WDR20: variants seen among roughly 807,000 people sequenced by gnomAD.
WDR20 encodes the protein WD repeat-containing protein 20.
In WDR20, 3 loss-of-function variants were observed where a neutral mutation model predicts 38.7. The observed-to-expected ratio is 0.08, with a 90% CI of 0.04 to 0.20. The LOEUF is 0.20. Ranked by LOEUF, WDR20 falls within the 10% of genes least tolerant of loss-of-function variation. The pLI, the probability that WDR20 is intolerant of heterozygous loss-of-function variation, is 1.00. For missense variants in WDR20, 559 were observed against 727.7 expected (o/e 0.77, Z 2.67); for synonymous variants, 298 against 285.6 (o/e 1.04, Z -0.44).
At chr14:102,204,867 CCA>C (rs1336968541) in intron 2 of WDR20, among the ~76,000 whole-genome samples, 4 of 152,198 alleles carry the variant, frequency 2.6e-5, no homozygotes, top group African/African-American at 9.7e-5. Flanking sequence ...CCACAATAAA[CCA>C]CAGTTTATCC....
chr14:102,213,126 T>A, downstream of WDR20: 1 of 986,082 alleles, frequency 1.0e-6, no homozygotes, highest in Non-Finnish European at 1.2e-6. Context: ...TTGGCCTTTT[T>A]CACCAGAATT....
intron 1 of WDR20, among the ~76,000 whole-genome samples, chr14:102,155,611 G>C (rs558688952): frequency 6.6e-6 from 1 of 152,238 alleles, no homozygotes; most frequent in African/African-American, 2.4e-5. Context: ...GGGCTCCTTA[G>C]CCTGACTAGA....
At chr14:102,217,823 C>T (rs1168276723), downstream of WDR20, among the ~76,000 whole-genome samples, 1 of 152,234 alleles carries the variant, frequency 6.6e-6, no homozygotes, top group Admixed American at 6.5e-5. Context: ...GCAGGCTAGC[C>T]TGGTCATAGT....
At chr14:102,142,209 G>A (rs1421315235) in intron 1 of WDR20, among the ~76,000 whole-genome samples, 1 of 152,130 alleles carries the variant, frequency 6.6e-6, no homozygotes, top group Non-Finnish European at 1.5e-5. Context: ...TCATGTGGTA[G>A]TATCTTGTAG....
At chr14:102,139,615 C>T, upstream of WDR20, 3 of 655,290 alleles carry the variant, frequency 4.6e-6, no homozygotes, top group Non-Finnish European at 7.7e-6. Flanking sequence ...GGCTGCGGAA[C>T]GGTCAACTAG....
intron 1 of WDR20, among the ~76,000 whole-genome samples, chr14:102,140,614 G>A (rs4906181): frequency 2.6e-5 from 4 of 152,320 alleles, no homozygotes; most frequent in Non-Finnish European, 4.4e-5. Context: ...CAAGATCTCT[G>A]TAAGGCGGAA....
chr14:102,202,814 A>C (rs1419949062), intron 2 of WDR20, among the ~76,000 whole-genome samples: 1 of 151,994 alleles, frequency 6.6e-6, no homozygotes, highest in Non-Finnish European at 1.5e-5. Flanking sequence ...TGTAATCATA[A>C]CTCACTGCAG....
intron 1 of WDR20, among the ~76,000 whole-genome samples, chr14:102,191,811 A>G (rs2066512959): frequency 6.6e-6 from 1 of 152,196 alleles, no homozygotes; most frequent in African/African-American, 2.4e-5. Flanking sequence ...GGGGTCAGCC[A>G]GGTCTACTTT....
chr14:102,139,929 G>T lies in WDR20; in HGVS notation c.6G>T (p.Ala2=). ...GATGAACGCTGCTTTCCAAGATGGC[G>T]ACGGAGGGAGGAGGGAAGGAGATGA... is the stretch of plus-strand genomic sequence containing the variant. M[A]TEGGGKEMNE... The change falls in exon 1 of 3, where the codon GCG becomes GCT. Residue 2 remains alanine (A), a synonymous_variant. Coordinates refer to ENST00000342702, the MANE Select transcript of WDR20 (RefSeq NM_144574.4). The T allele has an allele frequency of 6.2e-7, 1 of 1,612,274 alleles. No homozygotes were observed.
chr14:102,224,389 G>A (rs913238186), downstream of WDR20: 1 of 360,808 alleles, frequency 2.8e-6, no homozygotes, highest in Non-Finnish European at 5.4e-6. Flanking sequence ...GAGCATCTGA[G>A]TTTAGGGCAT....
At chr14:102,191,596 G>C (rs1370642217) in intron 1 of WDR20, among the ~76,000 whole-genome samples, 1 of 152,202 alleles carries the variant, frequency 6.6e-6, no homozygotes, top group Non-Finnish European at 1.5e-5. Context: ...TGGCCCAAGA[G>C]TGGAGTCCAT....
downstream of WDR20, chr14:102,214,111 G>A: frequency 2.0e-6 from 2 of 985,602 alleles, no homozygotes; most frequent in Non-Finnish European, 2.4e-6. Context: ...CTTGGCTGAG[G>A]TTTCGTTCCT....
intron 1 of WDR20, among the ~76,000 whole-genome samples, chr14:102,166,043 G>A (rs564098433): frequency 1.8e-3 from 268 of 152,222 alleles, no homozygotes; most frequent in African/African-American, 6.2e-3. Flanking sequence ...CCAGGCTGGA[G>A]TACAGTGACA....
chr14:102,175,294 C>A (rs745451223), intron 1 of WDR20, among the ~76,000 whole-genome samples: 2 of 152,164 alleles, frequency 1.3e-5, no homozygotes, highest in Non-Finnish European at 2.9e-5. Flanking sequence ...CAGCACCATT[C>A]ATTGAATAGG....
At chr14:102,213,609 A>G (rs781212114), downstream of WDR20, 313 of 985,330 alleles carry the variant, frequency 3.2e-4, no homozygotes, top group Non-Finnish European at 3.7e-4. Context: ...GGCGGGGCCC[A>G]GGGCTCTCCA....
intron 1 of WDR20, chr14:102,167,288 C>G (rs1463668573): frequency 6.6e-6 from 1 of 152,254 alleles, no homozygotes; most frequent in Non-Finnish European, 1.5e-5. Flanking sequence ...TCATAGCCCA[C>G]CGGTAACCTC....
intron 1 of WDR20, among the ~76,000 whole-genome samples, chr14:102,148,839 T>A (rs2054671606): frequency 6.6e-6 from 1 of 152,036 alleles, no homozygotes; most frequent in Non-Finnish European, 1.5e-5. Context: ...ACTACAGGCA[T>A]GTGCCACTGT....
At chr14:102,175,408 T>A (rs2061837588) in intron 1 of WDR20, among the ~76,000 whole-genome samples, 1 of 152,230 alleles carries the variant, frequency 6.6e-6, no homozygotes, top group South Asian at 2.1e-4. Flanking sequence ...CGTTGGTCTG[T>A]GTATCTGTTT....
chr14:102,186,181 C>T (rs758861607), intron 1 of WDR20, among the ~76,000 whole-genome samples: 6 of 152,184 alleles, frequency 3.9e-5, no homozygotes, highest in Non-Finnish European at 7.3e-5. Flanking sequence ...TGTTCAGATA[C>T]GTTGGCTGTA....
Sources: allele counts gnomAD v4.1 joint callset (sites outside exome capture counted in the v4.1 genomes callset), GRCh38; gene constraint gnomAD v4.1.1; transcripts MANE v1.5; gene names NCBI Gene and HGNC (gene_info 2026-07-23, HGNC 2026-07-21).